SOX5: variants seen among roughly 807,000 people sequenced by gnomAD.
SOX5 encodes SRY-box transcription factor 5.
In SOX5, 9 loss-of-function variants were observed where a neutral mutation model predicts 92.0. The ratio of observed to expected loss-of-function variants is 0.10; its 90% CI spans 0.06 to 0.17. The LOEUF (loss-of-function observed/expected upper bound fraction) is 0.17, where lower values mean the gene tolerates loss of function less well. SOX5 is among the 10% of genes least tolerant of loss of function. The pLI, the probability that SOX5 is intolerant of heterozygous loss-of-function variation, is 1.00. For synonymous variants in SOX5, 344 were observed against 336.3 expected (o/e 1.02, Z -0.25); for missense variants, 642 against 944.5 (o/e 0.68, Z 4.20).
At chr12:23,545,986 A>AT (rs1943065452) in intron 12 of SOX5, among the ~76,000 whole-genome samples, 1 of 152,064 alleles carries the variant, frequency 6.6e-6, no homozygotes, top group East Asian at 1.9e-4. Context: ...CATTTTGAGC[A>AT]TTTGCTTTAG....
intron 4 of SOX5, among the ~76,000 whole-genome samples, chr12:24,044,823 T>C (rs1430173216): frequency 6.6e-6 from 1 of 152,222 alleles, no homozygotes; most frequent in Non-Finnish European, 1.5e-5. Flanking sequence ...AGAATACATA[T>C]TTGTTAAAGC....
intron 4 of SOX5, among the ~76,000 whole-genome samples, chr12:23,748,891 G>A (rs1037365206): frequency 1.3e-5 from 2 of 151,946 alleles, no homozygotes; most frequent in Non-Finnish European, 2.9e-5. Flanking sequence ...CTCTAGGAGG[G>A]CAGGAATCTG....
chr12:23,847,083 T>C (rs1033626024), intron 2 of SOX5, among the ~76,000 whole-genome samples: 2 of 151,802 alleles, frequency 1.3e-5, no homozygotes, highest in African/African-American at 2.4e-5. Flanking sequence ...ATAAAACATA[T>C]TAAGGTGATT....
chr12:24,333,631 T>C (rs1595685067), intron 2 of SOX5, among the ~76,000 whole-genome samples: 1 of 152,030 alleles, frequency 6.6e-6, no homozygotes, highest in East Asian at 1.9e-4. Context: ...TAGAAGTATG[T>C]AATTCCTTAA....
intron 3 of SOX5, among the ~76,000 whole-genome samples, chr12:24,252,280 A>G (rs550922319): frequency 2.0e-5 from 3 of 152,228 alleles, no homozygotes; most frequent in Admixed American, 1.3e-4. Flanking sequence ...TGTCAGACAT[A>G]TAAGAATCAT....
intron 6 of SOX5, among the ~76,000 whole-genome samples, chr12:23,729,407 T>C (rs1285573200): frequency 2.6e-5 from 4 of 152,128 alleles, no homozygotes; most frequent in Non-Finnish European, 5.9e-5. Flanking sequence ...TTCATACAGG[T>C]AAATATAATC....
rs147327108 is a variant in SOX5 at position 24,080,350 on chromosome 12, T to C, written c.-2+132993A>G. ...AACATATAGGAACTCAATAAATAAA[T>C]GTTGAATATCAAATTAAAATTTGAC... On this transcript the variant is annotated intron_variant, in intron 4 of 4. Transcript: ENST00000446891. 1.7e-4 allele frequency among the ~76,000 whole-genome samples: 26 copies of C among 152,130 alleles called. No individual in the cohort carries two copies. The East Asian group carries it at 3.3e-3, about 19-fold the overall frequency.
chr12:23,808,195 C>G (rs1242576134), intron 3 of SOX5, among the ~76,000 whole-genome samples: 1 of 151,926 alleles, frequency 6.6e-6, no homozygotes, highest in African/African-American at 2.4e-5. Context: ...GGGGAGATAT[C>G]TCTACAAATA....
intron 1 of SOX5, 130 bp downstream of exon 1, chr12:23,949,434 A>G: frequency 9.1e-7 from 1 of 1,100,068 alleles, no homozygotes; most frequent in South Asian, 1.3e-5. Flanking sequence ...AGCTAACAAG[A>G]TTGCAGAAGC....
chr12:23,839,894 T>C (rs1289074297), intron 3 of SOX5, among the ~76,000 whole-genome samples: 1 of 151,416 alleles, frequency 6.6e-6, no homozygotes, highest in East Asian at 1.9e-4. Context: ...AATTAGATGC[T>C]TTCCCCTTTA....
intron 1 of SOX5, among the ~76,000 whole-genome samples, chr12:24,465,375 A>G (rs114582152): frequency 3.3e-5 from 5 of 152,176 alleles, no homozygotes; most frequent in Admixed American, 6.6e-5. Flanking sequence ...CTCAACTACA[A>G]CTATGAAGTA....
Position 23,747,904 on chromosome 12 carries a change from G to C in SOX5, c.569-6865C>G, listed in dbSNP as rs1400209852. 2.8e-5 allele frequency among the ~76,000 whole-genome samples: 4 copies of C among 144,418 alleles called. 1 individual carries two copies. Among genetic ancestry groups the C allele is most frequent in the East Asian group, 4.1e-4 (2 of 4,884 alleles). 94.7% of individuals were successfully genotyped at this position (144,418 alleles called of 152,430 possible). A position where few individuals can be genotyped will look rare whatever the true frequency, so the allele number is the denominator to read the frequency against. ...TTTTTAAGTGTTGAGGATACTAAGAGAACAAGCCAGAAAAGAATGCATGCC... is the reference window on the plus strand; with the variant it reads ...TTTTTAAGTGTTGAGGATACTAAGACAACAAGCCAGAAAAGAATGCATGCC... On this transcript the variant is annotated intron_variant, in intron 4 of 14. Transcript: ENST00000451604.
At chr12:24,151,497 T>A (rs1951646967) in intron 4 of SOX5, among the ~76,000 whole-genome samples, 1 of 152,180 alleles carries the variant, frequency 6.6e-6, no homozygotes, top group Admixed American at 6.6e-5. Flanking sequence ...AGAAAAGTCC[T>A]CTCTGATACA....
chr12:24,494,030 A>AG (rs1248170855), intron 1 of SOX5, among the ~76,000 whole-genome samples: 1 of 152,242 alleles, frequency 6.6e-6, no homozygotes, highest in Non-Finnish European at 1.5e-5. Flanking sequence ...TGAAAAGTAC[A>AG]CAGCTCTTTT....
chr12:24,185,943 G>T (rs572223498), intron 4 of SOX5, among the ~76,000 whole-genome samples: 1 of 152,224 alleles, frequency 6.6e-6, no homozygotes, highest in African/African-American at 2.4e-5. Context: ...TCATACCTAA[G>T]ACTATCAGAG....
chr12:24,311,219 A>G (rs1225585092), intron 2 of SOX5, among the ~76,000 whole-genome samples: 1 of 152,154 alleles, frequency 6.6e-6, no homozygotes, highest in Non-Finnish European at 1.5e-5. Context: ...CACCCAGTTT[A>G]TTACTCTAAA....
chr12:24,208,541 C>T (rs144772419), intron 4 of SOX5, among the ~76,000 whole-genome samples: 89 of 152,342 alleles, frequency 5.8e-4, no homozygotes, highest in Admixed American at 1.8e-3. Context: ...TGGGCAAAAT[C>T]ATATGCATCC....
intron 1 of SOX5, among the ~76,000 whole-genome samples, chr12:24,405,857 G>A (rs1391470706): frequency 6.6e-6 from 1 of 152,180 alleles, no homozygotes; most frequent in Admixed American, 6.5e-5. Flanking sequence ...GGAGAGGAGG[G>A]GAAGAGGCTT....
At chr12:24,408,680 T>G (rs953005826) in intron 1 of SOX5, among the ~76,000 whole-genome samples, 3 of 152,240 alleles carry the variant, frequency 2.0e-5, no homozygotes, top group African/African-American at 7.2e-5. Context: ...CACGTATGTA[T>G]CAATAGTTTA....
Sources: gnomAD v4.1 joint callset for allele counts (sites outside exome capture counted in the v4.1 genomes callset) on GRCh38, gnomAD v4.1.1 for gene constraint, MANE v1.5 for transcripts, NCBI Gene and HGNC (gene_info 2026-07-23, HGNC 2026-07-21) for gene names.